Variants in GNG7 observed in about 807,000 individuals in gnomAD.
The protein encoded by GNG7 is guanine nucleotide-binding protein G(I)/G(S)/G(O) subunit gamma-7.
In GNG7, 1 loss-of-function variant was observed where a neutral mutation model predicts 4.0. The observed-to-expected ratio is 0.25, with a 90% CI of 0.09 to 1.18. The LOEUF (loss-of-function observed/expected upper bound fraction) is 1.18, where lower values mean the gene tolerates loss of function less well. Ranked by LOEUF, GNG7 falls within the 50% of genes most tolerant of loss-of-function variation. The pLI is 0.50. For missense variants in GNG7, 86 were observed against 91.9 expected (o/e 0.94, Z 0.26); for synonymous variants, 34 against 36.9 (o/e 0.92, Z 0.29).
At chr19:2,685,439 T>C (rs528525489) in intron 1 of GNG7, among the ~76,000 whole-genome samples, 2 of 151,982 alleles carry the variant, frequency 1.3e-5, no homozygotes, top group African/African-American at 4.8e-5. Context: ...GCCTGGCCAA[T>C]ATAGCAAGAC....
At chr19:2,568,672 CACAT>C (rs1980038051) in intron 2 of GNG7, among the ~76,000 whole-genome samples, 1 of 151,458 alleles carries the variant, frequency 6.6e-6, no homozygotes, top group Non-Finnish European at 1.5e-5. Context: ...CATACACATA[CACAT>C]ATATACACAT....
intron 1 of GNG7, among the ~76,000 whole-genome samples, chr19:2,673,477 G>A (rs1266284544): frequency 2.6e-5 from 4 of 151,310 alleles, no homozygotes; most frequent in Non-Finnish European, 4.4e-5. Flanking sequence ...CGGCTCACCT[G>A]AGGTCAGGAA....
At position 2,514,627 on chromosome 19, in the gene GNG7, GCGAAGTCACCTC is replaced by G. The variant is rs1447718901; in HGVS notation, c.*383_*394del. 6.1e-6 allele frequency: 1 copy of G among 163,840 alleles called. No homozygotes were observed. The highest frequency in any genetic ancestry group is 1.3e-5 in the Non-Finnish European group (1 of 75,064). The allele number at this position is 163,840 out of a possible 1,614,324, so 10.1% of individuals were successfully genotyped here. On this transcript the variant is annotated 3_prime_UTR_variant, in exon 5 of 5. Transcript: ENST00000382159. ...ATTCTCCCGGAACTATTGCCACCGG[GCGAAGTCACCTC>G]CCTTTCCCCCTCGGCGCCGGTCCAC...
intron 2 of GNG7, among the ~76,000 whole-genome samples, chr19:2,590,082 G>T (rs1472284206): frequency 6.6e-6 from 1 of 152,212 alleles, no homozygotes; most frequent in Non-Finnish European, 1.5e-5. Flanking sequence ...AAAGTGCTGG[G>T]ATTAGAGGTG....
intron 1 of GNG7, among the ~76,000 whole-genome samples, chr19:2,661,485 C>T (rs1287651710): frequency 1.3e-5 from 2 of 151,234 alleles, no homozygotes; most frequent in Non-Finnish European, 3.0e-5. Context: ...ACAGTGAAAC[C>T]CTATCTCTAC....
At chr19:2,524,992 G>A (rs571932411) in intron 3 of GNG7, among the ~76,000 whole-genome samples, 18 of 152,174 alleles carry the variant, frequency 1.2e-4, no homozygotes, top group African/African-American at 3.6e-4. Context: ...CCATGCAGTC[G>A]CCTCCCTAAG....
chr19:2,524,979 C>T (rs1978346493), intron 3 of GNG7, among the ~76,000 whole-genome samples: 1 of 151,670 alleles, frequency 6.6e-6, no homozygotes, highest in Non-Finnish European at 1.5e-5. Context: ...CAGATTGCAT[C>T]ACCCATGCAG....
chr19:2,605,904 ACTTCTGCGACCT>A (rs1981371079), intron 2 of GNG7, among the ~76,000 whole-genome samples: 1 of 152,174 alleles, frequency 6.6e-6, no homozygotes, highest in Admixed American at 6.6e-5. Context: ...TCATGTGATC[ACTTCTGCGACCT>A]CTTTGTCCTA....
At chr19:2,537,863 G>A (rs574716063) in intron 3 of GNG7, among the ~76,000 whole-genome samples, 2 of 152,260 alleles carry the variant, frequency 1.3e-5, no homozygotes, top group East Asian at 1.9e-4. Context: ...ATCACTTGCG[G>A]TCAGGAGTTC....
chr19:2,545,019 C>G (rs79171570), intron 3 of GNG7, among the ~76,000 whole-genome samples: 20,792 of 152,246 alleles, frequency 0.14, 1,735 homozygotes, highest in Middle Eastern at 0.26. Flanking sequence ...TTCACCTCCT[C>G]TCTCCCTCCC....
At chr19:2,647,441 T>A (rs1445005668) in intron 1 of GNG7, among the ~76,000 whole-genome samples, 1 of 152,202 alleles carries the variant, frequency 6.6e-6, no homozygotes, top group African/African-American at 2.4e-5. Flanking sequence ...AACTCTGCTC[T>A]GTGCTCCATG....
chr19:2,549,477 G>C (rs1212487374), intron 3 of GNG7, among the ~76,000 whole-genome samples: 4 of 152,064 alleles, frequency 2.6e-5, no homozygotes, highest in Non-Finnish European at 5.9e-5. Context: ...TTTTAGTAGA[G>C]ACGGGGTTTC....
In GNG7 at chr19:2,655,886, C is replaced by T. The variant is rs188915547; in HGVS notation, c.-134-9606G>A. Reference sequence around the variant, plus strand: ...TACATATATATATAAATTAGCCAGGCGTGGTGGTGGGCACCTGTAATCTCA... The same window carrying T: ...TACATATATATATAAATTAGCCAGGTGTGGTGGTGGGCACCTGTAATCTCA... On this transcript the variant is annotated intron_variant, in intron 1 of 4. Coordinates refer to ENST00000382159, the MANE Select transcript of GNG7 (RefSeq NM_052847.3). 3.3e-4 allele frequency among the ~76,000 whole-genome samples: 47 copies of T among 140,856 alleles called. 1 individual carries two copies. The highest frequency in any genetic ancestry group is 1.0e-3 in the African/African-American group (37 of 36,814). 92.4% of individuals were successfully genotyped at this position (140,856 alleles called of 152,430 possible).
chr19:2,537,035 C>T (rs1207053852), intron 3 of GNG7, among the ~76,000 whole-genome samples: 1 of 151,760 alleles, frequency 6.6e-6, no homozygotes, highest in Non-Finnish European at 1.5e-5. Context: ...CAAGCTCCGC[C>T]TCCCGGGTTC....
Position 2,686,282 on chromosome 19 carries a change from C to T in GNG7, c.-135+16364G>A, listed in dbSNP as rs187580302. Reference sequence around the variant, plus strand: ...AAGCGATTCTCCTGCCTCAGCCTCCCGAGTAGCTGGGATTACAGGCACCCG... The same window carrying T: ...AAGCGATTCTCCTGCCTCAGCCTCCTGAGTAGCTGGGATTACAGGCACCCG... On this transcript the variant is annotated intron_variant, in intron 1 of 4. Coordinates refer to ENST00000382159, the MANE Select transcript of GNG7 (RefSeq NM_052847.3). Among the ~76,000 whole-genome samples, 143 of 152,082 alleles carry T rather than the reference C, an allele frequency of 9.4e-4. No individual in the cohort carries two copies. In the East Asian group the frequency reaches 0.013, roughly 14 times the overall value.
chr19:2,689,211 G>GA (rs201669784), intron 1 of GNG7, among the ~76,000 whole-genome samples: 1 of 138,352 alleles, frequency 7.2e-6, no homozygotes, highest in African/African-American at 3.3e-5. Flanking sequence ...AAAAAAAGGG[G>GA]GAAAAAAATG....
intron 2 of GNG7, among the ~76,000 whole-genome samples, chr19:2,555,600 A>G (rs1035203339): frequency 6.6e-6 from 1 of 152,188 alleles, no homozygotes; most frequent in Non-Finnish European, 1.5e-5. Flanking sequence ...CTTTTATGTA[A>G]GCCACGTGCC....
rs1433613084 is a variant in GNG7 at position 2,546,074 on chromosome 19, T to TCC, written c.-38+9073_-38+9074dup. ...AGGGCAACGATCAGGCGTTGATGTGTCCCCTGGCAGCTGGGATGCAGGCCC... is the reference window on the plus strand; with the variant it reads ...AGGGCAACGATCAGGCGTTGATGTGTCCCCCCTGGCAGCTGGGATGCAGGCCC... On this transcript the variant is annotated intron_variant, in intron 3 of 4. Coordinates refer to ENST00000382159, the MANE Select transcript of GNG7 (RefSeq NM_052847.3). The surrounding 1 kb of genome is among the most constrained non-coding windows in gnomAD (Gnocchi z 6.3). Among the ~76,000 whole-genome samples the TCC allele has an allele frequency of 2.0e-5, 3 of 152,280 alleles. No homozygotes were observed. The highest frequency in any genetic ancestry group is 3.9e-4 in the East Asian group (2 of 5,188).
chr19:2,576,077 GCAGACACACACACAGACACACACAGAAC>G (rs1480605788), intron 2 of GNG7, among the ~76,000 whole-genome samples: 31 of 143,818 alleles, frequency 2.2e-4, no homozygotes, highest in Admixed American at 5.5e-4. Context: ...ACGCAGACAT[GCAGACACACACACAGACACACACAGAAC>G]CAGACACACA....
Sources: gnomAD v4.1 joint callset for allele counts (sites outside exome capture counted in the v4.1 genomes callset) on GRCh38, gnomAD v4.1.1 for gene constraint, Gnocchi (gnomAD v3.1) non-coding constraint, MANE v1.5 for transcripts, NCBI Gene and HGNC (gene_info 2026-07-23, HGNC 2026-07-21) for gene names.